The following COL6A5 variants were observed in gnomAD, a reference collection of about 807,000 sequenced individuals.
COL6A5 encodes the protein collagen type VI alpha 5 chain.
In COL6A5, 48 loss-of-function variants were observed where a neutral mutation model predicts 65.6. The ratio of observed to expected loss-of-function variants is 0.73; its 90% CI spans 0.58 to 0.93. The LOEUF (loss-of-function observed/expected upper bound fraction) is 0.93. COL6A5 is among the 40% of genes least tolerant of loss of function. The pLI, the probability that COL6A5 is intolerant of heterozygous loss-of-function variation, is 0.00. For synonymous variants in COL6A5, 291 were observed against 322.8 expected, an observed-to-expected ratio of 0.90 and a Z score of 1.05; for missense variants, 914 against 928.3, an observed-to-expected ratio of 0.98 and a Z score of 0.20.
intron 6 of COL6A5, 74 bp downstream of exon 6, chr3:130,389,208 A>G: frequency 1.9e-6 from 2 of 1,050,524 alleles, no homozygotes; most frequent in Non-Finnish European, 2.5e-6. Context: ...AGTGAATGGC[A>G]CTCTGGCCCT....
In COL6A5 at chr3:130,440,443, T is replaced by A; in HGVS notation, c.861T>A (p.Tyr287Ter). 6.2e-7 allele frequency: 1 copy of A among 1,613,702 alleles called. No individual in the cohort carries two copies. The highest frequency in any genetic ancestry group is 8.5e-7 in the Non-Finnish European group (1 of 1,179,726). The change falls in exon 3 of 8, where the codon TAT (tyrosine) becomes TAA (stop). Residue 287 changes from tyrosine (Y) to a stop codon, truncating the protein, a stop_gained. Coordinates refer to ENST00000512836, the Ensembl canonical transcript of COL6A5. LOFTEE classifies it high-confidence loss of function. ...AAACAGAGTTTGATTTCATCACTTA[T>A]GACAACCAACTCCTAATGAAGAATC...
exon 7 of COL6A5, chr3:130,391,727 G>A (rs1159451545): frequency 6.4e-7 from 1 of 1,550,988 alleles, no homozygotes; most frequent in Non-Finnish European, 8.7e-7. Context: ...ACTTGTTCAA[G>A]AACGTATGTG....
At chr3:130,391,820 A>G in intron 7 of COL6A5, 66 bp downstream of exon 7, 1 of 1,208,836 alleles carries the variant, frequency 8.3e-7, no homozygotes, top group Admixed American at 2.5e-5. Context: ...AGTAAATCAT[A>G]AGTCTCAGGT....
intron 1 of COL6A5, among the ~76,000 whole-genome samples, chr3:130,355,766 G>A (rs889064308): frequency 9.2e-5 from 14 of 151,878 alleles, no homozygotes; most frequent in African/African-American, 3.4e-4. Context: ...TAAAAGAGAT[G>A]ACAGACGTAA....
chr3:130,484,305 A>G, exon 8 of COL6A5: 1 of 502,352 alleles, frequency 2.0e-6, no homozygotes, highest in Non-Finnish European at 3.5e-6. Flanking sequence ...GGGGAAACCG[A>G]CCTATAAGAG....
exon 3 of COL6A5, chr3:130,440,432 T>C (rs1709148369): frequency 6.2e-7 from 1 of 1,613,636 alleles, no homozygotes; most frequent in Non-Finnish European, 8.5e-7. Flanking sequence ...AGAGTTTGAT[T>C]TCATCACTTA....
At chr3:130,390,210 A>G (rs1181260835) in intron 6 of COL6A5, among the ~76,000 whole-genome samples, 1 of 152,110 alleles carries the variant, frequency 6.6e-6, no homozygotes, top group Non-Finnish European at 1.5e-5. Context: ...TGATTAATGT[A>G]AATGTGGAGG....
In COL6A5 at chr3:130,440,262, C is replaced by G; in HGVS notation, c.680C>G (p.Ala227Gly). The change falls in exon 3 of 8, where the codon GCA becomes GGA. Residue 227 changes from alanine (A) to glycine (G), a missense_variant. Physicochemically the swap from Ala to Gly is moderately conservative, Grantham distance 60. Transcript: ENST00000512836. ...CTCATAGACAATTCTCGGAATATAG[C>G]AAAGGATGAGTTTAAGGCTGTGAAA... The G allele has an allele frequency of 1.9e-6, 3 of 1,613,280 alleles. No individual in the cohort carries two copies. The Admixed American group carries it at 5.0e-5, about 27-fold the overall frequency.
chr3:130,422,035 TA>T (rs1299333109), intron 27 of COL6A5, among the ~76,000 whole-genome samples: 4 of 152,136 alleles, frequency 2.6e-5, no homozygotes, highest in African/African-American at 9.7e-5. Flanking sequence ...ATGCTTATAT[TA>T]AAATACAAAA....
intron 3 of COL6A5, among the ~76,000 whole-genome samples, 160 bp downstream of exon 35, chr3:130,440,985 T>C (rs1709168891): frequency 6.6e-6 from 1 of 152,134 alleles, no homozygotes; most frequent in Non-Finnish European, 1.5e-5. Context: ...TTATACCCTG[T>C]TTATATCCTG....
intron 23 of COL6A5, 134 bp from the exon 24 acceptor site, chr3:130,416,623 T>A: frequency 1.5e-6 from 1 of 653,772 alleles, no homozygotes. Flanking sequence ...TCTCTCCTCC[T>A]GGGTGGCTGG....
chr3:130,423,190 A>G (rs1193822772), intron 28 of COL6A5, among the ~76,000 whole-genome samples: 1 of 152,080 alleles, frequency 6.6e-6, no homozygotes, highest in East Asian at 1.9e-4. Context: ...TGACAATTCC[A>G]CTATCCATCA....
chr3:130,409,849 C>T (rs1331311934), intron 18 of COL6A5, among the ~76,000 whole-genome samples, 160 bp from the exon 19 acceptor site: 1 of 152,078 alleles, frequency 6.6e-6, no homozygotes, highest in African/African-American at 2.4e-5. Context: ...GGAAGTACTG[C>T]TTTGATTTTT....
At chr3:130,406,146 G>C (rs936900492) in exon 16 of COL6A5, 1 of 1,550,292 alleles carries the variant, frequency 6.5e-7, no homozygotes, top group East Asian at 2.4e-5. Flanking sequence ...TCATGGAGAC[G>C]ATGGGATTGA....
intron 13 of COL6A5, among the ~76,000 whole-genome samples, chr3:130,405,030 A>T (rs2107668170): frequency 6.6e-6 from 1 of 152,354 alleles, no homozygotes; most frequent in East Asian, 1.9e-4. Flanking sequence ...TGGGAGACAC[A>T]CAAATCATTG....
At chr3:130,475,463 T>A (rs1559923016) in intron 7 of COL6A5, among the ~76,000 whole-genome samples, 1 of 152,146 alleles carries the variant, frequency 6.6e-6, no homozygotes. Context: ...ACTTCTTTTT[T>A]TTCTCTTTAA....
intron 3 of COL6A5, among the ~76,000 whole-genome samples, chr3:130,378,771 C>A (rs1028869164): frequency 1.3e-5 from 2 of 150,646 alleles, no homozygotes; most frequent in African/African-American, 4.9e-5. Context: ...ATGTGATCCT[C>A]TCAGAGAGGC....
intron 5 of COL6A5, among the ~76,000 whole-genome samples, chr3:130,467,175 G>A (rs1709836957): frequency 6.6e-6 from 1 of 151,844 alleles, no homozygotes; most frequent in Admixed American, 6.6e-5. Context: ...TTTGATAGAA[G>A]CAGTCAATGT....
intron 1 of COL6A5, among the ~76,000 whole-genome samples, chr3:130,363,510 G>A (rs1169636058): frequency 1.3e-5 from 2 of 152,066 alleles, no homozygotes; most frequent in Admixed American, 6.5e-5. Context: ...ACTAGAGTTG[G>A]GTATTTCCTT....
Sources: gnomAD v4.1 joint callset for allele counts (sites outside exome capture counted in the v4.1 genomes callset) on GRCh38, gnomAD v4.1.1 for gene constraint, MANE v1.5 for transcripts, NCBI Gene and HGNC (gene_info 2026-07-23, HGNC 2026-07-21) for gene names.